RFFL: variants seen among roughly 807,000 people sequenced by gnomAD.
The protein encoded by RFFL is ring finger and FYVE like domain containing E3 ubiquitin protein ligase.
RFFL carries 16 observed loss-of-function variants against 40.4 expected under a neutral mutation model. The ratio of observed to expected loss-of-function variants is 0.40; its 90% CI spans 0.27 to 0.60. RFFL has a LOEUF of 0.60. Ranked by LOEUF, RFFL falls within the 20% of genes least tolerant of loss-of-function variation. RFFL has a pLI of 0.47. For missense variants in RFFL, 367 were observed against 451.7 expected, an observed-to-expected ratio of 0.81 and a Z score of 1.70; for synonymous variants, 154 against 167.9, an observed-to-expected ratio of 0.92 and a Z score of 0.64.
At chr17:35,032,952 C>G (rs2091095518) in intron 1 of RFFL, among the ~76,000 whole-genome samples, 1 of 152,080 alleles carries the variant, frequency 6.6e-6, no homozygotes, top group South Asian at 2.1e-4. Flanking sequence ...CATGTGTGCT[C>G]TTTGCCTAAG....
rs113249643 is a variant in RFFL, at chr17:35,056,659, G to A, written c.-9+6917C>T. 1.6e-3 allele frequency among the ~76,000 whole-genome samples: 238 copies of A among 152,144 alleles called. 3 individuals are homozygous for A. The highest frequency in any genetic ancestry group is 5.1e-3 in the African/African-American group (213 of 41,530). On this transcript the variant is annotated intron_variant, in intron 1 of 6. Transcript: ENST00000394597. Reference sequence around the variant, plus strand: ...CCCAAAGTGCTGGGATTACAGGCGTGAGCCACCATGCCCAGCCTGGTTCTA... The same window carrying A: ...CCCAAAGTGCTGGGATTACAGGCGTAAGCCACCATGCCCAGCCTGGTTCTA...
intron 1 of RFFL, among the ~76,000 whole-genome samples, chr17:35,088,018 C>A (rs543965412): frequency 6.6e-6 from 1 of 152,312 alleles, no homozygotes; most frequent in African/African-American, 2.4e-5. Flanking sequence ...AAACGGGCAG[C>A]CCGGCCCACA....
rs1319603214 is a variant in RFFL, at chr17:35,008,618, TTTTG to T, written c.*3346_*3349del. 4 of 151,454 alleles carry T rather than the reference TTTTG, an allele frequency of 2.6e-5. No individual in the cohort carries two copies. The highest frequency in any genetic ancestry group is 4.9e-5 in the African/African-American group (2 of 41,060). 9.4% of individuals were successfully genotyped at this position (151,454 alleles called of 1,614,324 possible). On this transcript the variant is annotated 3_prime_UTR_variant, in exon 7 of 7. Transcript: ENST00000394597. The stretch of plus-strand genomic sequence containing the variant: ...GCTAATTTTTTGGTTTTTTTGGGTT[TTTTG>T]TTTGTGTTTTTTTTTGTTTTGTTTT...
At chr17:35,060,992 G>T (rs962482534) in intron 1 of RFFL, among the ~76,000 whole-genome samples, 4 of 152,136 alleles carry the variant, frequency 2.6e-5, no homozygotes, top group Non-Finnish European at 5.9e-5. Flanking sequence ...GAGTCCATTG[G>T]GAAAAGGCAG....
At chr17:35,053,556 TG>T (rs1484778848) in intron 1 of RFFL, among the ~76,000 whole-genome samples, 4 of 152,150 alleles carry the variant, frequency 2.6e-5, no homozygotes, top group Admixed American at 1.3e-4. Context: ...CAGAGGGACT[TG>T]GTTCAAATCT....
intron 1 of RFFL, among the ~76,000 whole-genome samples, chr17:35,062,523 A>G (rs968136775): frequency 5.9e-5 from 9 of 152,310 alleles, no homozygotes; most frequent in African/African-American, 2.2e-4. Context: ...CAATTCTAGC[A>G]AAGCAGACCC....
chr17:35,086,431 C>G (rs2091429898), intron 1 of RFFL, among the ~76,000 whole-genome samples: 1 of 151,238 alleles, frequency 6.6e-6, no homozygotes, highest in Non-Finnish European at 1.5e-5. Context: ...GAGCTGAAAT[C>G]ATTCCATGGC....
chr17:35,055,937 A>C (rs28665143), intron 1 of RFFL, among the ~76,000 whole-genome samples: 3,812 of 152,170 alleles, frequency 0.025, 165 homozygotes, highest in African/African-American at 0.086. Context: ...TCAGCATAAT[A>C]CAGTTTTTTC....
chr17:35,029,340 GTTTTTTTTT>G (rs751041700), intron 1 of RFFL, among the ~76,000 whole-genome samples: 1 of 128,014 alleles, frequency 7.8e-6, no homozygotes, highest in East Asian at 2.2e-4. Context: ...ATATTTTGTA[GTTTTTTTTT>G]TTTTTTTTTT....
chr17:35,064,683 T>C (rs549478054), upstream of RFFL, among the ~76,000 whole-genome samples: 2 of 152,318 alleles, frequency 1.3e-5, no homozygotes, highest in South Asian at 4.1e-4. Context: ...ATCAGCTATT[T>C]CTTAGCAGGG....
intron 1 of RFFL, among the ~76,000 whole-genome samples, chr17:35,044,486 A>G (rs1437823196): frequency 1.3e-5 from 2 of 152,178 alleles, no homozygotes; most frequent in African/African-American, 4.8e-5. Context: ...GCATGGTGAC[A>G]GGTGCCTGTA....
At chr17:35,033,339 G>A (rs1440910183) in intron 1 of RFFL, among the ~76,000 whole-genome samples, 1 of 151,682 alleles carries the variant, frequency 6.6e-6, no homozygotes, top group Non-Finnish European at 1.5e-5. Context: ...GACCAGCCTG[G>A]CCAGCATGGT....
At chr17:35,017,132 G>A (rs919100863) in intron 4 of RFFL, among the ~76,000 whole-genome samples, 4 of 152,046 alleles carry the variant, frequency 2.6e-5, no homozygotes, top group East Asian at 1.9e-4. Flanking sequence ...CAGCTCCCTG[G>A]TCTGTGCTCT....
rs1232549182 is a variant in RFFL, at chr17:35,012,126, C to G, written c.934G>C (p.Glu312Gln). Residue 312 changes from glutamate to glutamine, a missense_variant, in exon 7 of 7, where the codon GAG becomes CAG. Glu to Gln is a conservative substitution (Grantham distance 29). Transcript: ENST00000394597. ...ATGCAGATCTTACACAGGTTCTCCTCCAAGCCTGATGGTACTGCTCCCCCT... is the reference window on the plus strand; with the variant it reads ...ATGCAGATCTTACACAGGTTCTCCTGCAAGCCTGATGGTACTGCTCCCCCT... Reference protein sequence around the residue: ...QNGGAVPSGLEENLCKICMDS... With the variant: ...QNGGAVPSGLQENLCKICMDS... 6.2e-7 allele frequency: 1 copy of G among 1,614,096 alleles called. No homozygotes were observed.
At chr17:35,017,830 A>G (rs564686651) in intron 3 of RFFL, among the ~76,000 whole-genome samples, 41 of 152,192 alleles carry the variant, frequency 2.7e-4, no homozygotes, top group Admixed American at 2.0e-3. Context: ...CTCTAGAACA[A>G]AACTGCATTA....
intron 1 of RFFL, among the ~76,000 whole-genome samples, chr17:35,077,938 A>G (rs1193600703): frequency 6.6e-6 from 1 of 152,238 alleles, no homozygotes; most frequent in East Asian, 1.9e-4. Flanking sequence ...TCAAATAACT[A>G]GCTGGATATC....
At chr17:35,084,022 T>A (rs910896964) in intron 1 of RFFL, among the ~76,000 whole-genome samples, 76 of 152,310 alleles carry the variant, frequency 5.0e-4, no homozygotes, top group Admixed American at 2.4e-3. Flanking sequence ...GTGGATCACC[T>A]GAGGTCAGGA....
intron 1 of RFFL, among the ~76,000 whole-genome samples, chr17:35,048,219 G>A (rs965873234): frequency 6.6e-6 from 1 of 151,106 alleles, no homozygotes; most frequent in Non-Finnish European, 1.5e-5. Context: ...TGGCTAACAC[G>A]GTGAAACCCC....
At chr17:35,017,335 C>T (rs910205482) in intron 4 of RFFL, among the ~76,000 whole-genome samples, 188 bp downstream of exon 4, 30 of 152,136 alleles carry the variant, frequency 2.0e-4, no homozygotes, top group Non-Finnish European at 4.4e-5. Flanking sequence ...CTCACAACTC[C>T]TTATAAATAC....
Sources: gnomAD v4.1 joint callset for allele counts (sites outside exome capture counted in the v4.1 genomes callset) on GRCh38, gnomAD v4.1.1 for gene constraint, MANE v1.5 for transcripts, NCBI Gene and HGNC (gene_info 2026-07-23, HGNC 2026-07-21) for gene names.